GREB1L: variants seen among roughly 807,000 people sequenced by gnomAD.
GREB1L encodes GREB1 like retinoic acid receptor coactivator.
In GREB1L, 17 loss-of-function variants were observed where a neutral mutation model predicts 200.8. The observed-to-expected ratio is 0.08, with a 90% CI of 0.06 to 0.13. The LOEUF (loss-of-function observed/expected upper bound fraction) is 0.13, where lower values mean the gene tolerates loss of function less well. Ranked by LOEUF, GREB1L falls within the 10% of genes least tolerant of loss-of-function variation. GREB1L has a pLI of 1.00. For synonymous variants in GREB1L, 789 were observed against 893.0 expected, an observed-to-expected ratio of 0.88 and a Z score of 2.08; for missense variants, 1,657 against 2,367.7, an observed-to-expected ratio of 0.70 and a Z score of 6.23.
chr18:21,408,745 G>A (rs1434406016), intron 7 of GREB1L, among the ~76,000 whole-genome samples: 7 of 143,322 alleles, frequency 4.9e-5, no homozygotes, highest in Non-Finnish European at 7.5e-5. Flanking sequence ...AGTGAGCCGA[G>A]ATTGCACCAT....
chr18:21,474,111 C>G (rs1374411036), intron 16 of GREB1L, among the ~76,000 whole-genome samples: 1 of 152,026 alleles, frequency 6.6e-6, no homozygotes, highest in Admixed American at 6.6e-5. Context: ...TGCCCCTGGC[C>G]CCTCCCAAAT....
At chr18:21,490,374 T>A (rs2036285070) in intron 19 of GREB1L, 23 bp downstream of exon 19, 1 of 1,527,116 alleles carries the variant, frequency 6.5e-7, no homozygotes, top group Admixed American at 2.0e-5. Flanking sequence ...CAGACATTTC[T>A]CCTTTAAAAT....
intron 1 of GREB1L, among the ~76,000 whole-genome samples, chr18:21,250,589 G>C (rs1181689488): frequency 6.6e-6 from 1 of 152,210 alleles, no homozygotes; most frequent in Non-Finnish European, 1.5e-5. Flanking sequence ...ACCTCTGCCT[G>C]TATAGGTTAG....
intron 1 of GREB1L, among the ~76,000 whole-genome samples, chr18:21,276,257 C>T (rs771001765): frequency 2.6e-5 from 4 of 152,176 alleles, no homozygotes; most frequent in African/African-American, 4.8e-5. Flanking sequence ...TCCCGGAGGC[C>T]TCGGTGTTTT....
rs534889627 is a variant in GREB1L at position 21,305,985 on chromosome 18, T to A, written c.-119-60042T>A. ...CTCAGAGAGGCCTTCCCTGAACATC[T>A]CATCTAAATTATATTCCTCCCTCCT... On this transcript the variant is annotated intron_variant, in intron 1 of 32. Transcript: ENST00000424526. Among the ~76,000 whole-genome samples the A allele has an allele frequency of 2.6e-5, 4 of 152,356 alleles. 1 individual carries two copies. In the South Asian group the frequency reaches 8.3e-4, roughly 32 times the overall value.
intron 2 of GREB1L, among the ~76,000 whole-genome samples, chr18:21,379,777 CCT>C (rs746096227): frequency 1.2e-4 from 18 of 152,130 alleles, no homozygotes; most frequent in Admixed American, 7.9e-4. Context: ...CAACCTTCCC[CCT>C]GTTTTGATCA....
intron 2 of GREB1L, among the ~76,000 whole-genome samples, chr18:21,382,767 A>G (rs202086529): frequency 6.6e-6 from 1 of 152,140 alleles, no homozygotes; most frequent in Non-Finnish European, 1.5e-5. Flanking sequence ...GTTTACAGGC[A>G]TGAGCCACTA....
intron 23 of GREB1L, among the ~76,000 whole-genome samples, chr18:21,504,196 T>C (rs541401499): frequency 2.6e-5 from 4 of 152,274 alleles, no homozygotes; most frequent in African/African-American, 9.6e-5. Context: ...AATGCTGAGA[T>C]TACAGGTGTG....
chr18:21,320,591 G>A (rs369495101), intron 1 of GREB1L, among the ~76,000 whole-genome samples: 2 of 151,864 alleles, frequency 1.3e-5, no homozygotes, highest in South Asian at 2.1e-4. Context: ...GTGAAACCCC[G>A]TCTCTAGTAA....
At position 21,383,527 on chromosome 18, in the gene GREB1L, T is replaced by TCTCCTTA; in HGVS notation, c.9_10insCTCCTTA (p.Ser4LeufsTer14). 1 of 1,473,606 alleles carries TCTCCTTA rather than the reference T, an allele frequency of 6.8e-7. No individual in the cohort carries two copies. The highest frequency in any genetic ancestry group is 1.4e-5 in the South Asian group (1 of 71,944). The allele number at this position is 1,473,606 out of a possible 1,614,324, so 91.3% of individuals were successfully genotyped here. A position where few individuals can be genotyped will look rare whatever the true frequency, so the allele number is the denominator to read the frequency against. ...ATGGGTAGGTGTAGATCATGGGGAA[T>TCTCCTTA]TCATATGCTGGGCAACTGAAATCTG... On this transcript the variant is annotated frameshift_variant, in exon 3 of 33. Coordinates refer to ENST00000424526, the MANE Select transcript of GREB1L (RefSeq NM_001142966.3). LOFTEE classifies it high-confidence loss of function.
intron 1 of GREB1L, among the ~76,000 whole-genome samples, chr18:21,287,116 C>T (rs1398979534): frequency 2.6e-5 from 4 of 151,936 alleles, no homozygotes; most frequent in Non-Finnish European, 5.9e-5. Context: ...AATGAGCTAA[C>T]CCTCTAGTAG....
At chr18:21,360,842 T>C (rs1379591343) in intron 1 of GREB1L, among the ~76,000 whole-genome samples, 1 of 152,220 alleles carries the variant, frequency 6.6e-6, no homozygotes, top group South Asian at 2.1e-4. Context: ...TAAAATATCC[T>C]CCATTTTTAA....
intron 1 of GREB1L, among the ~76,000 whole-genome samples, chr18:21,294,086 C>A (rs961869803): frequency 6.6e-6 from 1 of 152,148 alleles, no homozygotes; most frequent in Non-Finnish European, 1.5e-5. Context: ...ACAGAACTTT[C>A]TGTGACAATG....
intron 6 of GREB1L, among the ~76,000 whole-genome samples, chr18:21,402,495 C>T (rs1468540843): frequency 6.9e-6 from 1 of 144,434 alleles, no homozygotes; most frequent in African/African-American, 2.6e-5. Context: ...TTTCCCTTTC[C>T]TTTCCCTTTC....
intron 1 of GREB1L, among the ~76,000 whole-genome samples, chr18:21,243,082 C>T (rs1303715816): frequency 6.6e-6 from 1 of 152,036 alleles, no homozygotes; most frequent in Non-Finnish European, 1.5e-5. Flanking sequence ...ACTCTTATTC[C>T]GAATGAGACA....
chr18:21,491,491 G>C (rs1458220247), intron 19 of GREB1L, among the ~76,000 whole-genome samples: 1 of 151,798 alleles, frequency 6.6e-6, no homozygotes, highest in African/African-American at 2.4e-5. Context: ...AGACAGATCA[G>C]GAGGTCAGGA....
intron 19 of GREB1L, among the ~76,000 whole-genome samples, chr18:21,493,557 C>T (rs1358398093): frequency 6.6e-6 from 1 of 152,116 alleles, no homozygotes. Flanking sequence ...GATTTGACTA[C>T]TAATCTGAAA....
chr18:21,269,656 G>A (rs2038047067), intron 1 of GREB1L, among the ~76,000 whole-genome samples: 2 of 152,106 alleles, frequency 1.3e-5, no homozygotes, highest in African/African-American at 4.8e-5. Flanking sequence ...TTTGGAAATG[G>A]TGTAATAGTA....
At chr18:21,383,442 T>C in intron 2 of GREB1L, 68 bp from the exon 3 acceptor site, 1 of 1,184,482 alleles carries the variant, frequency 8.4e-7, no homozygotes, top group Non-Finnish European at 1.2e-6. Context: ...GCTCTACCTG[T>C]ACTTTGAGAC....
Sources: allele counts gnomAD v4.1 joint callset (sites outside exome capture counted in the v4.1 genomes callset), GRCh38; gene constraint gnomAD v4.1.1; transcripts MANE v1.5; gene names NCBI Gene and HGNC (gene_info 2026-07-23, HGNC 2026-07-21).